Variants in TEFM observed in about 807,000 individuals in gnomAD.
TEFM encodes the protein transcription elongation factor, mitochondrial.
Under a neutral mutation model 23.0 loss-of-function variants are expected in TEFM, and 14 were observed. The ratio of observed to expected loss-of-function variants is 0.61; its 90% CI spans 0.40 to 0.95. The LOEUF is 0.95. Among genes scored for constraint, TEFM ranks in the 40% least tolerant of loss-of-function variants. The pLI is 0.00. For missense variants in TEFM, 386 were observed against 425.5 expected (o/e 0.91, Z 0.82); for synonymous variants, 155 against 158.3 (o/e 0.98, Z 0.16).
Position 30,899,605 on chromosome 17 carries a change from A to C in TEFM, c.647T>G (p.Ile216Ser). 1 of 1,501,236 alleles carries C rather than the reference A, an allele frequency of 6.7e-7. No individual in the cohort carries two copies. Among genetic ancestry groups the C allele is most frequent in the Non-Finnish European group, 8.9e-7 (1 of 1,122,514 alleles). 93.0% of individuals were successfully genotyped at this position (1,501,236 alleles called of 1,614,324 possible). A position where few individuals can be genotyped will look rare whatever the true frequency, so the allele number is the denominator to read the frequency against. ...AGGCATCTTTGAAATGATCGAGGAA[A>C]TCTTTTTAAAAAAAGACAAAATAAA... is the stretch of plus-strand genomic sequence containing the variant. ...IYSSSVYLEE[I>S]SSIISKMPKA... The change falls in exon 4 of 4, where the codon ATT (isoleucine) becomes AGT (serine). Residue 216 changes from isoleucine (I) to serine (S), a missense_variant and splice_region_variant. Transcript: ENST00000581216.
At chr17:30,903,229 G>T (rs191792936) in intron 2 of TEFM, among the ~76,000 whole-genome samples, 14,351 of 126,106 alleles carry the variant, frequency 0.11, 974 homozygotes, top group South Asian at 0.21. Flanking sequence ...TTAGAATGGT[G>T]TTTTTTTTTT....
intron 2 of TEFM, among the ~76,000 whole-genome samples, chr17:30,902,675 T>C (rs1399711470): frequency 6.6e-6 from 1 of 152,232 alleles, no homozygotes; most frequent in African/African-American, 2.4e-5. Context: ...GTATATGTGC[T>C]ATATCTTTTT....
chr17:30,900,524 T>TC lies in TEFM; in HGVS notation c.533dup (p.Arg179LysfsTer8), dbSNP rs1567705565. ...GATCAAGGTGAGCCCAGGCAATTCT[T>TC]CGAGTACCAAAAACGATAGATATGA... On this transcript the variant is annotated frameshift_variant, in exon 3 of 4. Coordinates refer to ENST00000581216, the MANE Select transcript of TEFM (RefSeq NM_024683.4). LOFTEE classifies it high-confidence loss of function. The TC allele has an allele frequency of 6.2e-7, 1 of 1,614,162 alleles. No homozygotes were observed. The highest frequency in any genetic ancestry group is 8.5e-7 in the Non-Finnish European group (1 of 1,180,002).
At position 30,904,229 on chromosome 17, in the gene TEFM, T is replaced by C. The variant is rs370324412; in HGVS notation, c.332A>G (p.Asn111Ser). The C allele has an allele frequency of 1.2e-6, 2 of 1,614,024 alleles. No individual in the cohort carries two copies. The highest frequency in any genetic ancestry group is 1.7e-6 in the Non-Finnish European group (2 of 1,180,028). Reference sequence around the variant, plus strand: ...GGGCACATTCATTAAACTCTCTAAATTCTGAAATGGCCCAAAGTTTTCTCT... The same window carrying C: ...GGGCACATTCATTAAACTCTCTAAACTCTGAAATGGCCCAAAGTTTTCTCT... ...EHRENFGPFQ[N>S]LESLMNVPLF... The change falls in exon 2 of 4, where the codon AAT (asparagine) becomes AGT (serine). Residue 111 changes from asparagine (N) to serine (S), a missense_variant. Coordinates refer to ENST00000581216, the MANE Select transcript of TEFM (RefSeq NM_024683.4).
intron 3 of TEFM, chr17:30,900,016 C>T (rs1910004173): frequency 3.5e-6 from 1 of 285,136 alleles, no homozygotes. Flanking sequence ...GACTGAACCA[C>T]AGATTTCATA....
At chr17:30,901,147 A>C (rs182323063) in intron 2 of TEFM, among the ~76,000 whole-genome samples, 12 of 152,158 alleles carry the variant, frequency 7.9e-5, no homozygotes, top group Non-Finnish European at 1.8e-4. Flanking sequence ...CAGCTTCCTG[A>C]GTAGCTGGGA....
intron 3 of TEFM, 21 bp from the exon 4 acceptor site, chr17:30,899,627 T>A (rs150840183): frequency 1.0e-5 from 15 of 1,466,698 alleles, no homozygotes; most frequent in Non-Finnish European, 1.4e-5. Context: ...AAAGACAAAA[T>A]AAAGGAACAG....
At chr17:30,905,535 A>G (rs1031160337) in intron 1 of TEFM, among the ~76,000 whole-genome samples, 15 of 152,142 alleles carry the variant, frequency 9.9e-5, no homozygotes, top group African/African-American at 3.6e-4. Flanking sequence ...AAAAAAAAAA[A>G]AGGGTTTTGT....
At chr17:30,904,839 C>T (rs1164596340) in intron 1 of TEFM, among the ~76,000 whole-genome samples, 1 of 151,898 alleles carries the variant, frequency 6.6e-6, no homozygotes, top group African/African-American at 2.4e-5. Flanking sequence ...CCACCACGCC[C>T]GGCTAATTTT....
At chr17:30,902,273 G>A (rs1482971361) in intron 2 of TEFM, among the ~76,000 whole-genome samples, 2 of 149,506 alleles carry the variant, frequency 1.3e-5, no homozygotes, top group Non-Finnish European at 3.0e-5. Flanking sequence ...GCTAAGGACT[G>A]GATAAATATC....
intron 2 of TEFM, 134 bp from the exon 3 acceptor site, chr17:30,900,696 G>T: frequency 1.4e-6 from 1 of 725,962 alleles, no homozygotes; most frequent in Non-Finnish European, 2.1e-6. Context: ...CCACCTTCTG[G>T]GTTCATGCCA....
chr17:30,906,160 C>A lies in TEFM; in HGVS notation c.31+8G>T. On this transcript the variant is annotated splice_region_variant and intron_variant, in intron 1 of 3. Coordinates refer to ENST00000581216, the MANE Select transcript of TEFM (RefSeq NM_024683.4). ...CGGGAAATCACCCCAGTGTTCCAAG[C>A]ACCCTACCTCCCGCCGTGAAGAGGA... The A allele has an allele frequency of 6.2e-7, 1 of 1,614,124 alleles. No individual in the cohort carries two copies.
intron 1 of TEFM, among the ~76,000 whole-genome samples, chr17:30,904,769 C>T (rs1334413650): frequency 3.3e-5 from 5 of 151,524 alleles, no homozygotes; most frequent in East Asian, 1.9e-4. Flanking sequence ...AGCTCCGCCT[C>T]CCAGGTTCAC....
chr17:30,906,029 C>T lies in TEFM; in HGVS notation c.31+139G>A, dbSNP rs936468739. On this transcript the variant is annotated intron_variant, in intron 1 of 3. Coordinates refer to ENST00000581216, the MANE Select transcript of TEFM (RefSeq NM_024683.4). ...ATACCTCCAGCCGTATTCCATTAGC[C>T]TCTAGGGTCAGAGGCTAATGACAGA... 5 of 1,298,760 alleles carry T rather than the reference C, an allele frequency of 3.8e-6. No individual in the cohort carries two copies. The African/African-American group carries it at 5.8e-5, about 15-fold the overall frequency. 80.5% of individuals were successfully genotyped at this position (1,298,760 alleles called of 1,614,324 possible).
intron 1 of TEFM, among the ~76,000 whole-genome samples, chr17:30,904,931 G>A (rs956429711): frequency 1.3e-5 from 2 of 152,024 alleles, no homozygotes; most frequent in Non-Finnish European, 2.9e-5. Flanking sequence ...GCCCACCTCA[G>A]CCTCCCAAAG....
chr17:30,904,557 G>C, intron 1 of TEFM, 28 bp from the exon 2 acceptor site: 1 of 1,543,510 alleles, frequency 6.5e-7, no homozygotes, highest in Non-Finnish European at 8.8e-7. Flanking sequence ...CAAAATATAA[G>C]TTGGATGTCC....
At chr17:30,900,147 AAG>A (rs1322486277) in intron 3 of TEFM, 6 of 422,766 alleles carry the variant, frequency 1.4e-5, no homozygotes, top group Non-Finnish European at 2.1e-5. Flanking sequence ...TTATAAATAA[AAG>A]AGTGATAATG....
Position 30,899,046 on chromosome 17 carries a change from A to T in TEFM, c.*123T>A. Reference sequence around the variant, plus strand: ...TTGTGTAAACCATTTAATAGCCAAAAGTCAGAATTTAAACATCTAAAATAC... The same window carrying T: ...TTGTGTAAACCATTTAATAGCCAAATGTCAGAATTTAAACATCTAAAATAC... On this transcript the variant is annotated 3_prime_UTR_variant, in exon 4 of 4. Transcript: ENST00000581216. 1.0e-6 allele frequency: 1 copy of T among 988,510 alleles called. No individual in the cohort carries two copies. The highest frequency in any genetic ancestry group is 2.3e-5 in the Admixed American group (1 of 42,834). The allele number at this position is 988,510 out of a possible 1,614,324, so 61.2% of individuals were successfully genotyped here. A position where few individuals can be genotyped will look rare whatever the true frequency, so the allele number is the denominator to read the frequency against.
chr17:30,900,675 CACT>C (rs1242386089), intron 2 of TEFM, 113 bp from the exon 3 acceptor site: 1 of 892,000 alleles, frequency 1.1e-6, no homozygotes, highest in African/African-American at 1.7e-5. Flanking sequence ...GATCTCAACT[CACT>C]ACAAGCTCCA....
Sources: gnomAD v4.1 joint callset for allele counts (sites outside exome capture counted in the v4.1 genomes callset) on GRCh38, gnomAD v4.1.1 for gene constraint, MANE v1.5 for transcripts, NCBI Gene and HGNC (gene_info 2026-07-23, HGNC 2026-07-21) for gene names.